Variants in PAF1 observed in about 807,000 individuals in gnomAD.
The protein encoded by PAF1 is RNA polymerase II-associated factor 1 homolog.
PAF1 carries 31 observed loss-of-function variants against 68.4 expected under a neutral mutation model. The ratio of observed to expected loss-of-function variants is 0.45; its 90% confidence interval spans 0.34 to 0.61. The LOEUF (loss-of-function observed/expected upper bound fraction) is 0.61, where lower values mean the gene tolerates loss of function less well. Ranked by LOEUF, PAF1 falls within the 20% of genes least tolerant of loss-of-function variation. The pLI is 0.01. For missense variants in PAF1, 435 were observed against 692.9 expected (o/e 0.63, Z 4.18); for synonymous variants, 256 against 240.5 (o/e 1.06, Z -0.60).
Position 39,389,384 on chromosome 19 carries a change from CTGGGG to C in PAF1, c.360-6_360-2del. ...CACCACCTTCGCGTGCTGCTGGGATCTGGGGTGGGAAATCAGGTATCTCAGGACCC... is the reference window on the plus strand; with the variant it reads ...CACCACCTTCGCGTGCTGCTGGGATCTGGGAAATCAGGTATCTCAGGACCC... On this transcript the variant is annotated splice_acceptor_variant and splice_polypyrimidine_tract_variant and intron_variant, in intron 5 of 13. Coordinates refer to ENST00000221265, the MANE Select transcript of PAF1 (RefSeq NM_019088.4). LOFTEE classifies it high-confidence loss of function. This position sits in a 1 kb window ranked among gnomAD's most constrained non-coding sequence, Gnocchi z 5.3. 6.2e-7 allele frequency: 1 copy of C among 1,614,072 alleles called. No homozygotes were observed. The highest frequency in any genetic ancestry group is 8.5e-7 in the Non-Finnish European group (1 of 1,179,938).
rs200117509 is a variant in PAF1 at position 39,386,345 on chromosome 19, C to T, written c.1242G>A (p.Ser414=). 3.9e-5 allele frequency: 63 copies of T among 1,614,162 alleles called. 1 individual carries two copies. In the Middle Eastern group the frequency reaches 1.5e-3, roughly 38 times the overall value. Reference sequence around the variant, plus strand: ...CTTCCTCCCGTTCACTCTCGCTGCCCGAGTGCTCATCTTCACTGCCCTCCT... The same window carrying T: ...CTTCCTCCCGTTCACTCTCGCTGCCTGAGTGCTCATCTTCACTGCCCTCCT... The part of the protein sequence containing the change: ...SEKEGSEDEH[S]GSESEREEGD... Residue 414 remains serine (S), a synonymous_variant, in exon 14 of 14, where the codon TCG becomes TCA. Transcript: ENST00000221265. This position sits in a 1 kb window ranked among gnomAD's most constrained non-coding sequence, Gnocchi z 6.1.
intron 11 of PAF1, chr19:39,387,281 GGTATA>G (rs1308691184): frequency 1.5e-5 from 5 of 337,860 alleles, no homozygotes; most frequent in African/African-American, 1.0e-4. Flanking sequence ...ACATAGAAAA[GGTATA>G]GTAAAGATAC....
chr19:39,389,540 A>G lies in PAF1; in HGVS notation c.299T>C (p.Leu100Pro). The change falls in exon 5 of 14, where the codon CTA becomes CCA. Residue 100 changes from leucine (L) to proline (P), a missense_variant. By Grantham distance (98) the Leu-to-Pro change is moderately conservative. Coordinates refer to ENST00000221265, the MANE Select transcript of PAF1 (RefSeq NM_019088.4). This position sits in a 1 kb window ranked among gnomAD's most constrained non-coding sequence, Gnocchi z 5.3. ...CAAAAGTTTCTCATCAGCTGGATCT[A>G]GAAGAACTAGAGGAGAGCGGGGGGC... ...DTYRIDPNVL[L>P]DPADEKLLEE... The G allele has an allele frequency of 1.2e-6, 2 of 1,614,140 alleles. No individual in the cohort carries two copies. The highest frequency in any genetic ancestry group is 1.7e-6 in the Non-Finnish European group (2 of 1,180,024).
chr19:39,389,100 T>C lies in PAF1; in HGVS notation c.560A>G (p.Gln187Arg), dbSNP rs1234985807. ...TAIEKTFEDA[Q>R]KSISQHYSKP... ...TCCCAGTCCCTCAATTACTGATTTC[T>C]GGGCATCCTCAAAAGTCTTCTCAAT... The change falls in exon 7 of 14, where the codon CAG becomes CGG. Residue 187 changes from glutamine (Q) to arginine (R), a missense_variant. Gln to Arg is a conservative substitution (Grantham distance 43, BLOSUM62 1). This residue lies in a region of PAF1 where 151 missense variants were observed against 306.3 expected (regional missense o/e 0.49). Coordinates refer to ENST00000221265, the MANE Select transcript of PAF1 (RefSeq NM_019088.4). This position sits in a 1 kb window ranked among gnomAD's most constrained non-coding sequence, Gnocchi z 5.3. 3.7e-6 allele frequency: 6 copies of C among 1,613,830 alleles called. No individual in the cohort carries two copies. Among genetic ancestry groups the C allele is most frequent in the Non-Finnish European group, 5.1e-6 (6 of 1,179,814 alleles).
chr19:39,388,362 A>G lies in PAF1; in HGVS notation c.963T>C (p.Val321=). Residue 321 remains valine, a synonymous_variant, in exon 11 of 14, where the codon GTT becomes GTC. Coordinates refer to ENST00000221265, the MANE Select transcript of PAF1 (RefSeq NM_019088.4). The part of the protein sequence containing the change: ...YFFIFREGDG[V]YYNELETRVR... Reference sequence around the variant, plus strand: ...ACCTGGTTTCCAACTCATTGTAGTAAACCCCGTCACCCTCTCGGAAGATGA... The same window carrying G: ...ACCTGGTTTCCAACTCATTGTAGTAGACCCCGTCACCCTCTCGGAAGATGA... 5 of 1,614,096 alleles carry G rather than the reference A, an allele frequency of 3.1e-6. No homozygotes were observed. Among genetic ancestry groups the G allele is most frequent in the Non-Finnish European group, 4.2e-6 (5 of 1,179,996 alleles).
chr19:39,385,698 G>C lies in PAF1; in HGVS notation c.*293C>G. On this transcript the variant is annotated 3_prime_UTR_variant, in exon 14 of 14. Coordinates refer to ENST00000221265, the MANE Select transcript of PAF1 (RefSeq NM_019088.4). ...AAAAAAAAAAACAAACAAAAAAAAC[G>C]AATTCTGACCTTCGTTGTGCTACAT... The C allele has an allele frequency of 3.9e-6, 2 of 515,934 alleles. No individual in the cohort carries two copies. Among genetic ancestry groups the C allele is most frequent in the Non-Finnish European group, 6.8e-6 (2 of 294,816 alleles). 32.0% of individuals were successfully genotyped at this position (515,934 alleles called of 1,614,324 possible).
chr19:39,386,484 G>A lies in PAF1; in HGVS notation c.1181C>T (p.Ser394Leu), dbSNP rs1438596562. Residue 394 changes from serine (S) to leucine (L), a missense_variant and splice_region_variant, in exon 13 of 14, where the codon TCA (serine) becomes TTA (leucine). Coordinates refer to ENST00000221265, the MANE Select transcript of PAF1 (RefSeq NM_019088.4). This position sits in a 1 kb window ranked among gnomAD's most constrained non-coding sequence, Gnocchi z 6.1. ...GAGTCTGGCCTGTCCAGATTTACCT[G>A]AGCCCCCAGCTTCTTTCTCTTCTGT... is the stretch of plus-strand genomic sequence containing the variant. ...METEEKEAGGSDEEQEKGSSS... is the reference protein window; with the variant it reads ...METEEKEAGGLDEEQEKGSSS... 4 of 1,614,074 alleles carry A rather than the reference G, an allele frequency of 2.5e-6. No individual in the cohort carries two copies. Among genetic ancestry groups the A allele is most frequent in the Admixed American group, 1.7e-5 (1 of 60,012 alleles).
At chr19:39,387,120 ACT>A in intron 11 of PAF1, 1 of 459,854 alleles carries the variant, frequency 2.2e-6, no homozygotes. Context: ...ATCATACAGT[ACT>A]CTTACACAAA....
Position 39,389,491 on chromosome 19 carries a change from G to A in PAF1, c.348C>T (p.Thr116=), listed in dbSNP as rs772847733. The change falls in exon 5 of 14, where the codon ACC becomes ACT. Residue 116 remains threonine, a synonymous_variant. Transcript: ENST00000221265. The surrounding 1 kb of genome is among the most constrained non-coding windows in gnomAD (Gnocchi z 5.3). The part of the protein sequence containing the change: ...KLLEEEIQAP[T]SSKRSQQHAK... ...TGCTACCCACTCACCTCTTGGAGCT[G>A]GTGGGGGCCTGAATCTCCTCTTCCA... The A allele has an allele frequency of 6.2e-7, 1 of 1,614,092 alleles. No homozygotes were observed. Among genetic ancestry groups the A allele is most frequent in the East Asian group, 2.2e-5 (1 of 44,886 alleles).
chr19:39,386,287 T>C lies in PAF1; in HGVS notation c.1300A>G (p.Ser434Gly), dbSNP rs758000253. ...DRDEASDKSG[S>G]GEDESSEDEA... The stretch of plus-strand genomic sequence containing the variant: ...TCCTCGCTGCTCTCGTCCTCACCAC[T>C]GCCACTCTTGTCACTGGCCTCGTCC... Residue 434 changes from serine (S) to glycine (G), a missense_variant, in exon 14 of 14, where the codon AGT (serine) becomes GGT (glycine). Physicochemically the swap from Ser to Gly is moderately conservative, Grantham distance 56. Around this residue, in one of 7 missense-constraint regions of PAF1, gnomAD observed 78 missense variants for 80.6 expected, o/e 0.97. Coordinates refer to ENST00000221265, the MANE Select transcript of PAF1 (RefSeq NM_019088.4). This position sits in a 1 kb window ranked among gnomAD's most constrained non-coding sequence, Gnocchi z 6.1. 6.2e-7 allele frequency: 1 copy of C among 1,614,172 alleles called. No homozygotes were observed. The highest frequency in any genetic ancestry group is 1.1e-5 in the South Asian group (1 of 91,070).
rs2078243478 is a variant in PAF1 at position 39,386,167 on chromosome 19, C to T, written c.1420G>A (p.Ala474Thr). The change falls in exon 14 of 14, where the codon GCC becomes ACC. Residue 474 changes from alanine to threonine, a missense_variant. Ala to Thr is a moderately conservative substitution (Grantham distance 58, BLOSUM62 0). This residue lies in a region of PAF1 where 83 missense variants were observed against 99.9 expected (regional missense o/e 0.83). Coordinates refer to ENST00000221265, the MANE Select transcript of PAF1 (RefSeq NM_019088.4). The surrounding 1 kb of genome is among the most constrained non-coding windows in gnomAD (Gnocchi z 6.1). ...ADSDDEDRGQ[A>T]QGGSDNDSDS... is the part of the protein sequence containing the mutation. ...GAATCATTGTCACTGCCACCTTGGGCCTGTCCTCTGTCCTCATCATCAGAG... is the reference window on the plus strand; with the variant it reads ...GAATCATTGTCACTGCCACCTTGGGTCTGTCCTCTGTCCTCATCATCAGAG... 2.5e-6 allele frequency: 4 copies of T among 1,614,154 alleles called. No individual in the cohort carries two copies. Among genetic ancestry groups the T allele is most frequent in the Non-Finnish European group, 3.4e-6 (4 of 1,180,034 alleles).
At chr19:39,387,216 C>A in intron 11 of PAF1, 1 of 433,268 alleles carries the variant, frequency 2.3e-6, no homozygotes, top group Non-Finnish European at 4.6e-6. Context: ...CAGCATGTGA[C>A]TGTACTGAAT....
chr19:39,390,773 C>T (rs749418920), intron 1 of PAF1, 45 bp downstream of exon 1: 1 of 1,549,372 alleles, frequency 6.5e-7, no homozygotes, highest in East Asian at 2.4e-5. Context: ...CAGAAACCCT[C>T]TCCCGATCCC....
chr19:39,388,535 C>T (rs202161979), intron 10 of PAF1, 25 bp downstream of exon 10: 439 of 1,613,890 alleles, frequency 2.7e-4, no homozygotes, highest in Non-Finnish European at 7.9e-5. Flanking sequence ...TCCCAATCCC[C>T]AAAACTTAAC....
At position 39,389,542 on chromosome 19, in the gene PAF1, A is replaced by G. The variant is rs1364177096; in HGVS notation, c.297T>C (p.Leu99=). The part of the protein sequence containing the change: ...PDTYRIDPNV[L]LDPADEKLLE... ...AAAGTTTCTCATCAGCTGGATCTAG[A>G]AGAACTAGAGGAGAGCGGGGGGCAG... The change falls in exon 5 of 14, where the codon CTT becomes CTC. Residue 99 remains leucine, a synonymous_variant. Transcript: ENST00000221265. This position sits in a 1 kb window ranked among gnomAD's most constrained non-coding sequence, Gnocchi z 5.3. 5.6e-6 allele frequency: 9 copies of G among 1,614,020 alleles called. No homozygotes were observed. Among genetic ancestry groups the G allele is most frequent in the Non-Finnish European group, 7.6e-6 (9 of 1,180,020 alleles).
At chr19:39,388,193 T>C (rs879248832) in intron 11 of PAF1, 146 bp downstream of exon 11, 3 of 766,712 alleles carry the variant, frequency 3.9e-6, no homozygotes, top group South Asian at 3.6e-5. Flanking sequence ...GTCCAGCTCA[T>C]GTGCATGACC....
rs2078298806 is a variant in PAF1 at position 39,388,323 on chromosome 19, G to C, written c.986+16C>G. The C allele has an allele frequency of 1.9e-6, 3 of 1,613,848 alleles. No homozygotes were observed. The highest frequency in any genetic ancestry group is 1.3e-5 in the African/African-American group (1 of 75,020). The stretch of plus-strand genomic sequence containing the variant: ...AGCACAGATCCAGGCTAATCAGATA[G>C]GAGTGTGCTGAGTACCTGGTTTCCA... On this transcript the variant is annotated intron_variant, in intron 11 of 13. Coordinates refer to ENST00000221265, the MANE Select transcript of PAF1 (RefSeq NM_019088.4).
intron 11 of PAF1, chr19:39,387,303 C>A: frequency 3.3e-6 from 1 of 302,556 alleles, no homozygotes; most frequent in Non-Finnish European, 7.0e-6. Context: ...ATACGGTATT[C>A]TATCTTAAGG....
Position 39,388,590 on chromosome 19 carries a change from T to C in PAF1, c.827A>G (p.Glu276Gly). 1 of 1,614,120 alleles carries C rather than the reference T, an allele frequency of 6.2e-7. No individual in the cohort carries two copies. Among genetic ancestry groups the C allele is most frequent in the Non-Finnish European group, 8.5e-7 (1 of 1,179,986 alleles). The change falls in exon 10 of 14, where the codon GAG becomes GGG. Residue 276 changes from glutamate (E) to glycine (G), a missense_variant. Physicochemically the swap from Glu to Gly is moderately conservative, Grantham distance 98 (BLOSUM62 -2). Around this residue, in one of 7 missense-constraint regions of PAF1, gnomAD observed 151 missense variants for 306.3 expected, o/e 0.49. Transcript: ENST00000221265. ...ATCTGGTGCATAGTCCATCTCCTCC[T>C]CCTGGTCCCGCTTTCGTTTCTTCAA... is the stretch of plus-strand genomic sequence containing the variant. ...ETLKKRKRDQ[E>G]EEMDYAPDDV...
Sources: gnomAD v4.1 joint callset for allele counts on GRCh38, gnomAD v4.1.1 for gene constraint, gnomAD v4.1.1 regional missense constraint, Gnocchi (gnomAD v3.1) non-coding constraint, MANE v1.5 for transcripts, NCBI Gene and HGNC (gene_info 2026-07-23, HGNC 2026-07-21) for gene names.